CALN1: variants seen among roughly 807,000 people sequenced by gnomAD.
CALN1 encodes the protein calneuron 1.
A neutral mutation model predicts 30.6 loss-of-function variants in CALN1; 17 were observed. The ratio of observed to expected loss-of-function variants is 0.56; its 90% confidence interval spans 0.38 to 0.83. The LOEUF is 0.83. Among genes scored for constraint, CALN1 ranks in the 40% least tolerant of loss-of-function variants. The pLI, the probability that CALN1 is intolerant of heterozygous loss-of-function variation, is 0.00. For missense variants in CALN1, 291 were observed against 354.9 expected (o/e 0.82, Z 1.45); for synonymous variants, 156 against 131.4 (o/e 1.19, Z -1.28).
chr7:71,812,111 G>A (rs1488894864), intron 5 of CALN1, among the ~76,000 whole-genome samples: 1 of 152,192 alleles, frequency 6.6e-6, no homozygotes, highest in Non-Finnish European at 1.5e-5. Context: ...ACATGCCCCA[G>A]ATAGAGGCTG....
intron 2 of CALN1, among the ~76,000 whole-genome samples, chr7:72,400,761 C>A (rs148915282): frequency 6.6e-6 from 1 of 152,166 alleles, no homozygotes; most frequent in Non-Finnish European, 1.5e-5. Flanking sequence ...CCCAAAGCTG[C>A]ACCTCTGGCC....
At chr7:71,901,991 G>A (rs1793876314) in intron 5 of CALN1, among the ~76,000 whole-genome samples, 1 of 152,166 alleles carries the variant, frequency 6.6e-6, no homozygotes, top group South Asian at 2.1e-4. Context: ...GCAGCCTGAA[G>A]AATGGGAGAA....
At chr7:71,882,413 G>A (rs1173554729) in intron 5 of CALN1, among the ~76,000 whole-genome samples, 2 of 152,110 alleles carry the variant, frequency 1.3e-5, no homozygotes, top group Non-Finnish European at 2.9e-5. Flanking sequence ...CCTCTACTGT[G>A]TAAGACAGCA....
At chr7:71,889,139 A>G (rs1793090768) in intron 5 of CALN1, among the ~76,000 whole-genome samples, 1 of 152,138 alleles carries the variant, frequency 6.6e-6, no homozygotes, top group African/African-American at 2.4e-5. Context: ...GCTACAACAA[A>G]ATATCATAAA....
intron 2 of CALN1, among the ~76,000 whole-genome samples, chr7:72,393,631 C>G (rs558660705): frequency 2.0e-5 from 3 of 152,124 alleles, no homozygotes; most frequent in African/African-American, 7.2e-5. Flanking sequence ...ACAGCTGGGC[C>G]CCCCCCAGGC....
chr7:72,455,528 G>A, the CALN1 span, among the ~76,000 whole-genome samples: 429 of 152,012 alleles, frequency 2.8e-3, 1 homozygote, highest in Non-Finnish European at 5.5e-3. Context: ...TGGAGCTCAG[G>A]AGCTCGCAGG....
chr7:72,476,238 T>C, the CALN1 span, among the ~76,000 whole-genome samples: 1 of 152,028 alleles, frequency 6.6e-6, no homozygotes, highest in Admixed American at 6.6e-5. Flanking sequence ...TGAGCCACCA[T>C]GCCTGACAGC....
chr7:72,247,785 G>A (rs1461892753), intron 3 of CALN1, among the ~76,000 whole-genome samples: 2 of 152,128 alleles, frequency 1.3e-5, no homozygotes, highest in Non-Finnish European at 2.9e-5. Context: ...GAGGCCTGGA[G>A]TTGGAGATGA....
chr7:72,153,780 C>T (rs1787449024), intron 3 of CALN1, among the ~76,000 whole-genome samples: 1 of 152,196 alleles, frequency 6.6e-6, no homozygotes. Flanking sequence ...CATCGCAGGA[C>T]ATCCACTGGG....
intron 3 of CALN1, among the ~76,000 whole-genome samples, chr7:72,156,315 G>A (rs2129544514): frequency 6.6e-6 from 1 of 152,314 alleles, no homozygotes; most frequent in South Asian, 2.1e-4. Context: ...TGCTTGGATA[G>A]GACAGGACCA....
the CALN1 span, among the ~76,000 whole-genome samples, chr7:72,462,178 G>GTATGTATT: frequency 6.7e-6 from 1 of 150,302 alleles, no homozygotes; most frequent in Non-Finnish European, 1.5e-5. Context: ...ATGTATGTAT[G>GTATGTATT]TATTTATTTA....
At chr7:72,381,661 G>A (rs570295116) in intron 2 of CALN1, among the ~76,000 whole-genome samples, 2 of 152,294 alleles carry the variant, frequency 1.3e-5, no homozygotes, top group South Asian at 4.2e-4. Flanking sequence ...GAGAACGTAT[G>A]GAAACAGGGA....
intron 5 of CALN1, among the ~76,000 whole-genome samples, chr7:71,980,894 G>A (rs949437311): frequency 1.3e-5 from 2 of 152,068 alleles, no homozygotes; most frequent in African/African-American, 4.8e-5. Flanking sequence ...TTCCTTGAAA[G>A]CAGGTGCTGA....
At chr7:71,922,350 C>G (rs531294618) in intron 5 of CALN1, among the ~76,000 whole-genome samples, 86 of 151,620 alleles carry the variant, frequency 5.7e-4, no homozygotes, top group Non-Finnish European at 1.0e-3. Context: ...TGAATGAATT[C>G]AACGACAAAG....
the CALN1 span, among the ~76,000 whole-genome samples, chr7:72,487,945 GGAAGGAAGGA>G: frequency 1.1e-4 from 8 of 71,370 alleles, no homozygotes; most frequent in South Asian, 4.3e-4. Flanking sequence ...AAGGAAGGAA[GGAAGGAAGGA>G]AAGGAAGGAA....
chr7:71,810,686 A>AGAGTG (rs1436635155), intron 5 of CALN1, among the ~76,000 whole-genome samples, 194 bp from the exon 6 acceptor site: 1 of 152,106 alleles, frequency 6.6e-6, no homozygotes, highest in Non-Finnish European at 1.5e-5. Flanking sequence ...GGAATGATAG[A>AGAGTG]GAGTGGAACA....
At chr7:72,097,603 T>C (rs1806323681) in intron 4 of CALN1, among the ~76,000 whole-genome samples, 1 of 150,142 alleles carries the variant, frequency 6.7e-6, no homozygotes, top group Middle Eastern at 3.2e-3. Context: ...AAGCCAGAAG[T>C]TCAAGACAGC....
At chr7:71,850,964 G>A (rs1790603042) in intron 5 of CALN1, among the ~76,000 whole-genome samples, 1 of 152,126 alleles carries the variant, frequency 6.6e-6, no homozygotes, top group Non-Finnish European at 1.5e-5. Flanking sequence ...TCTAATCCCA[G>A]AGCATTGGGA....
intron 5 of CALN1, among the ~76,000 whole-genome samples, chr7:71,841,091 C>T (rs1049923987): frequency 1.3e-5 from 2 of 152,070 alleles, no homozygotes; most frequent in African/African-American, 4.8e-5. Context: ...AGTTAGGTAA[C>T]AAACAGAGGC....
Sources: gnomAD v4.1 joint callset for allele counts (sites outside exome capture counted in the v4.1 genomes callset) on GRCh38, gnomAD v4.1.1 for gene constraint, MANE v1.5 for transcripts, NCBI Gene and HGNC (gene_info 2026-07-23, HGNC 2026-07-21) for gene names.